The following NBAS variants were observed in gnomAD, a reference collection of about 807,000 sequenced individuals.
The protein encoded by NBAS is NAG/BC035112 fusion.
A neutral mutation model predicts 302.5 loss-of-function variants in NBAS; 219 were observed. The observed-to-expected ratio is 0.72, with a 90% CI of 0.65 to 0.81. The LOEUF (loss-of-function observed/expected upper bound fraction) is 0.81. Ranked by LOEUF, NBAS falls within the 30% of genes least tolerant of loss-of-function variation. NBAS has a pLI of 0.00. For missense variants in NBAS, 2,932 were observed against 2,841.6 expected (o/e 1.03, Z -0.72); for synonymous variants, 1,118 against 1,021.6 (o/e 1.09, Z -1.80).
chr2:15,417,276 T>C (rs764422742), intron 24 of NBAS, among the ~76,000 whole-genome samples: 3 of 152,002 alleles, frequency 2.0e-5, no homozygotes, highest in Non-Finnish European at 4.4e-5. Context: ...GAAAAACACC[T>C]AACTAGAACG....
chr2:15,268,352 C>CG (rs1299026767), intron 44 of NBAS, among the ~76,000 whole-genome samples: 1 of 152,174 alleles, frequency 6.6e-6, no homozygotes, highest in Non-Finnish European at 1.5e-5. Flanking sequence ...ACAATGGTTA[C>CG]GGAGGCTCTG....
At chr2:15,471,671 G>C (rs1329826240) in intron 16 of NBAS, among the ~76,000 whole-genome samples, 2 of 152,146 alleles carry the variant, frequency 1.3e-5, no homozygotes, top group Non-Finnish European at 2.9e-5. Flanking sequence ...CTAATCCCCA[G>C]AGTGATGATG....
chr2:15,122,947 G>T, the NBAS span, among the ~76,000 whole-genome samples: 923 of 152,202 alleles, frequency 6.1e-3, 10 homozygotes, highest in African/African-American at 0.018. Context: ...GGTGTGGTAG[G>T]ACTCACATTC....
At chr2:14,890,239 G>T in the NBAS span, among the ~76,000 whole-genome samples, 2 of 152,054 alleles carry the variant, frequency 1.3e-5, no homozygotes, top group African/African-American at 4.8e-5. Context: ...GTTCTCTGCA[G>T]CTCAAAGATT....
the NBAS span, among the ~76,000 whole-genome samples, chr2:15,093,009 C>T: frequency 6.6e-6 from 1 of 152,132 alleles, no homozygotes; most frequent in Non-Finnish European, 1.5e-5. Flanking sequence ...TTAAACCCTG[C>T]AGGGTGTCTG....
chr2:15,111,191 C>A, the NBAS span, among the ~76,000 whole-genome samples: 442 of 152,100 alleles, frequency 2.9e-3, 2 homozygotes, highest in Middle Eastern at 0.014. Context: ...AATGACAAAC[C>A]ATGGAATGTA....
chr2:15,379,880 T>C, intron 29 of NBAS, 49 bp from the exon 30 acceptor site: 1 of 1,544,604 alleles, frequency 6.5e-7, no homozygotes, highest in Non-Finnish European at 8.9e-7. Flanking sequence ...GAAGATTCAG[T>C]TCTCAGTGAA....
intron 48 of NBAS, among the ~76,000 whole-genome samples, chr2:15,204,900 C>T (rs1284060868): frequency 3.3e-5 from 5 of 151,952 alleles, no homozygotes; most frequent in African/African-American, 9.7e-5. Context: ...AGGAGATATA[C>T]CTAATGTAAA....
the NBAS span, among the ~76,000 whole-genome samples, chr2:14,839,654 C>T: frequency 7.9e-5 from 12 of 152,136 alleles, no homozygotes; most frequent in South Asian, 2.5e-3. Context: ...CCATTTGAGA[C>T]AGGTGGCACG....
intron 21 of NBAS, among the ~76,000 whole-genome samples, chr2:15,455,513 G>A (rs1475951242): frequency 1.3e-5 from 2 of 151,962 alleles, no homozygotes; most frequent in Non-Finnish European, 2.9e-5. Context: ...GAAGTTTAAA[G>A]CAATAAGTAT....
chr2:15,150,995 C>T, the NBAS span, among the ~76,000 whole-genome samples: 14 of 152,226 alleles, frequency 9.2e-5, no homozygotes, highest in South Asian at 4.1e-4. Flanking sequence ...AAAAATTCAA[C>T]GGTGTGTAGA....
rs1269900077 is a variant in NBAS at position 15,200,416 on chromosome 2, T to TC, written c.6433-10014_6433-10013insG. On this transcript the variant is annotated intron_variant, in intron 48 of 51. Coordinates refer to ENST00000281513, the MANE Select transcript of NBAS (RefSeq NM_015909.4). ...AGTGAAAATAAACAAAATAAACTAT[T>TC]TTTTTTTACTACATTTTCTTTTACT... Among the ~76,000 whole-genome samples, 5 of 150,042 alleles carry TC rather than the reference T, an allele frequency of 3.3e-5. No individual in the cohort carries two copies. The East Asian group carries it at 9.7e-4, about 29-fold the overall frequency.
At chr2:15,482,328 C>G (rs1680462745) in intron 12 of NBAS, among the ~76,000 whole-genome samples, 1 of 151,984 alleles carries the variant, frequency 6.6e-6, no homozygotes, top group African/African-American at 2.4e-5. Context: ...TGTTGCCCAG[C>G]CTGGTCCCGA....
In NBAS at chr2:15,552,475, C is replaced by G. The variant is rs114520723; in HGVS notation, c.336-939G>C. On this transcript the variant is annotated intron_variant, in intron 5 of 51. Transcript: ENST00000281513. ...ATGTGAAGATGACGATAATGAAGAC[C>G]TTTGTAATGGTCCACTTCCACTTAA... Among the ~76,000 whole-genome samples, 702 of 152,238 alleles carry G rather than the reference C, an allele frequency of 4.6e-3. 7 individuals carry two copies. The highest frequency in any genetic ancestry group is 0.016 in the African/African-American group (674 of 41,534).
At chr2:15,244,899 A>G (rs1668020649) in intron 44 of NBAS, among the ~76,000 whole-genome samples, 1 of 152,136 alleles carries the variant, frequency 6.6e-6, no homozygotes, top group South Asian at 2.1e-4. Flanking sequence ...TTTCATGGCT[A>G]GGTGGGCCCA....
chr2:14,860,022 G>T, the NBAS span, among the ~76,000 whole-genome samples: 44,096 of 151,764 alleles, frequency 0.29, 7,047 homozygotes, highest in East Asian at 0.4. Context: ...ATGGAAAAAA[G>T]ATATAAATAG....
the NBAS span, among the ~76,000 whole-genome samples, chr2:15,054,028 C>A: frequency 1.3e-5 from 2 of 152,034 alleles, no homozygotes; most frequent in East Asian, 1.9e-4. Context: ...CAAAACCAAT[C>A]GAGATCATTG....
chr2:15,065,591 A>G, the NBAS span, among the ~76,000 whole-genome samples: 1 of 152,152 alleles, frequency 6.6e-6, no homozygotes, highest in Admixed American at 6.5e-5. Flanking sequence ...TGTGTTTCTA[A>G]CAACAAACTA....
the NBAS span, among the ~76,000 whole-genome samples, chr2:15,051,311 T>C: frequency 3.3e-5 from 5 of 152,186 alleles, no homozygotes; most frequent in South Asian, 2.1e-4. Context: ...CTGAACAGAA[T>C]TGTGTGCAGG....
Sources: gnomAD v4.1 joint callset for allele counts (sites outside exome capture counted in the v4.1 genomes callset) on GRCh38, gnomAD v4.1.1 for gene constraint, MANE v1.5 for transcripts, NCBI Gene and HGNC (gene_info 2026-07-23, HGNC 2026-07-21) for gene names.